ARHGEF28: variants seen among roughly 807,000 people sequenced by gnomAD.
The protein encoded by ARHGEF28 is 190 kDa guanine nucleotide exchange factor.
Under a neutral mutation model 206.6 loss-of-function variants are expected in ARHGEF28, and 152 were observed. The ratio of observed to expected loss-of-function variants is 0.74; its 90% CI spans 0.64 to 0.84. The LOEUF (loss-of-function observed/expected upper bound fraction) is 0.84, where lower values mean the gene tolerates loss of function less well. Ranked by LOEUF, ARHGEF28 falls within the 40% of genes least tolerant of loss-of-function variation. The probability of loss-of-function intolerance (pLI) is 0.00; values close to 1 mark genes in which losing one functional copy is unlikely to be tolerated. For synonymous variants in ARHGEF28, 763 were observed against 776.4 expected (o/e 0.98, Z 0.29); for missense variants, 2,028 against 2,073.2 (o/e 0.98, Z 0.42).
intron 22 of ARHGEF28, 108 bp from the exon 23 acceptor site, chr5:73,882,364 T>C (rs901686114): frequency 6.3e-6 from 5 of 791,266 alleles, no homozygotes; most frequent in Non-Finnish European, 9.0e-6. Flanking sequence ...CCATGATATT[T>C]ATTTTTTATT....
At chr5:73,913,107 C>G (rs1323174451) in intron 35 of ARHGEF28, among the ~76,000 whole-genome samples, 3 of 152,148 alleles carry the variant, frequency 2.0e-5, no homozygotes, top group South Asian at 2.1e-4. Flanking sequence ...TATACAAAAC[C>G]AGTCTATCCA....
chr5:73,732,627 G>A (rs529352187), intron 2 of ARHGEF28, among the ~76,000 whole-genome samples: 13 of 152,116 alleles, frequency 8.5e-5, no homozygotes, highest in Non-Finnish European at 1.6e-4. Flanking sequence ...TCTCTGTATA[G>A]CACTTATCTG....
intron 7 of ARHGEF28, among the ~76,000 whole-genome samples, chr5:73,789,084 A>G (rs1451875396): frequency 6.6e-6 from 1 of 152,098 alleles, no homozygotes; most frequent in Non-Finnish European, 1.5e-5. Flanking sequence ...TCATTGCAGC[A>G]TTATTAATAA....
chr5:73,686,375 C>G (rs188084250), intron 2 of ARHGEF28, among the ~76,000 whole-genome samples: 128 of 152,162 alleles, frequency 8.4e-4, no homozygotes, highest in African/African-American at 2.9e-3. Context: ...AGCTGACCGA[C>G]CTCCTCATGT....
At chr5:73,708,854 G>T (rs556159763) in intron 2 of ARHGEF28, among the ~76,000 whole-genome samples, 1 of 152,220 alleles carries the variant, frequency 6.6e-6, no homozygotes, top group South Asian at 2.1e-4. Flanking sequence ...CCTTTTCTCT[G>T]CAGTCTTACC....
chr5:73,792,881 A>T (rs949522051), intron 7 of ARHGEF28, among the ~76,000 whole-genome samples: 8 of 152,020 alleles, frequency 5.3e-5, no homozygotes, highest in African/African-American at 1.9e-4. Flanking sequence ...TGAAGGGTGA[A>T]ATTAGCCCAT....
chr5:73,856,539 A>G (rs1483479034), intron 14 of ARHGEF28, among the ~76,000 whole-genome samples: 1 of 152,130 alleles, frequency 6.6e-6, no homozygotes, highest in Non-Finnish European at 1.5e-5. Context: ...TAAATAACTT[A>G]AAGTTTTATT....
rs1761098623 is a variant in ARHGEF28, at chr5:73,883,779, A to G, written c.2950A>G (p.Asn984Asp). The change falls in exon 24 of 36, where the codon AAT (asparagine) becomes GAT (aspartate). Residue 984 changes from asparagine (N) to aspartate (D), a missense_variant. Coordinates refer to ENST00000513042, the MANE Select transcript of ARHGEF28 (RefSeq NM_001177693.2). ...TATATTTTTTAAGCTCCGAAATAGT[A>G]ATCTTTTGGCTCGACGCCGAGGAAT... Reference protein sequence around the residue: ...FQNFIKLRNSNLLARRRGIPE... With the variant: ...FQNFIKLRNSDLLARRRGIPE... 1.9e-6 allele frequency: 3 copies of G among 1,553,100 alleles called. No individual in the cohort carries two copies. Among genetic ancestry groups the G allele is most frequent in the African/African-American group, 1.4e-5 (1 of 73,180 alleles).
intron 2 of ARHGEF28, among the ~76,000 whole-genome samples, chr5:73,701,888 T>C (rs1259440372): frequency 1.3e-5 from 2 of 152,230 alleles, no homozygotes; most frequent in Admixed American, 1.3e-4. Flanking sequence ...CATTCCACTT[T>C]GTTTAACCAT....
rs1158498113 is a variant in ARHGEF28, at chr5:73,932,158, G to GAAACTACTAAAGTTTGT, written c.4949-8669_4949-8653dup. On this transcript the variant is annotated intron_variant, in intron 35 of 35. Transcript: ENST00000513042. ...CAAGTATTATGTTGGAAATAACAGA[G>GAAACTACTAAAGTTTGT]AAACTACTAAAGTTTGTAAACTACT... 2.6e-5 allele frequency among the ~76,000 whole-genome samples: 4 copies of GAAACTACTAAAGTTTGT among 152,140 alleles called. No homozygotes were observed. In the South Asian group the frequency reaches 6.2e-4, roughly 24 times the overall value.
intron 16 of ARHGEF28, among the ~76,000 whole-genome samples, chr5:73,858,953 G>T (rs1759218711): frequency 6.6e-6 from 1 of 152,084 alleles, no homozygotes; most frequent in Non-Finnish European, 1.5e-5. Context: ...TTTCGAACAT[G>T]GCAGTCATGC....
In ARHGEF28 at chr5:73,847,084, T is replaced by A. The variant is rs549663721; in HGVS notation, c.1635+609T>A. On this transcript the variant is annotated intron_variant, in intron 12 of 35. Transcript: ENST00000513042. ...AAAACTAAATACATTGCTCTGAATG[T>A]AAGAAAGCCCTTTTGCGTTTGAACA... 3.3e-5 allele frequency among the ~76,000 whole-genome samples: 5 copies of A among 152,302 alleles called. No homozygotes were observed. In the South Asian group the frequency reaches 1.0e-3, roughly 32 times the overall value.
chr5:73,799,241 G>C (rs1354979068), intron 9 of ARHGEF28, among the ~76,000 whole-genome samples: 1 of 152,206 alleles, frequency 6.6e-6, no homozygotes, highest in African/African-American at 2.4e-5. Context: ...TGGACAGCCT[G>C]TGGGAAATGG....
At chr5:73,708,459 A>G (rs1482314654) in intron 2 of ARHGEF28, among the ~76,000 whole-genome samples, 2 of 151,838 alleles carry the variant, frequency 1.3e-5, no homozygotes, top group Non-Finnish European at 2.9e-5. Flanking sequence ...GCAGTATTTC[A>G]TTTTCTGTTT....
At chr5:73,888,411 C>G (rs1449825937) in intron 26 of ARHGEF28, among the ~76,000 whole-genome samples, 1 of 152,160 alleles carries the variant, frequency 6.6e-6, no homozygotes, top group Non-Finnish European at 1.5e-5. Flanking sequence ...TTGGTTTGTC[C>G]AGCAGCTTCT....
intron 9 of ARHGEF28, among the ~76,000 whole-genome samples, chr5:73,816,325 A>G (rs1476938760): frequency 2.0e-5 from 3 of 152,176 alleles, no homozygotes; most frequent in South Asian, 4.1e-4. Flanking sequence ...ACAGGATATC[A>G]TAAGTATTTT....
At chr5:73,724,090 A>T (rs891756385) in intron 2 of ARHGEF28, among the ~76,000 whole-genome samples, 1 of 152,150 alleles carries the variant, frequency 6.6e-6, no homozygotes, top group Non-Finnish European at 1.5e-5. Flanking sequence ...TATTTCATCC[A>T]TGCACCTCTG....
intron 35 of ARHGEF28, among the ~76,000 whole-genome samples, chr5:73,937,702 G>T (rs1202747612): frequency 1.3e-5 from 2 of 152,132 alleles, no homozygotes. Context: ...ATGAAACTGG[G>T]TGATTACTTT....
At chr5:73,938,199 CAA>C (rs1491005007) in intron 35 of ARHGEF28, among the ~76,000 whole-genome samples, 18 of 150,592 alleles carry the variant, frequency 1.2e-4, no homozygotes, top group African/African-American at 4.4e-4. Context: ...CACACACACA[CAA>C]CTCCCCATCC....
Sources: gnomAD v4.1 joint callset for allele counts (sites outside exome capture counted in the v4.1 genomes callset) on GRCh38, gnomAD v4.1.1 for gene constraint, MANE v1.5 for transcripts, NCBI Gene and HGNC (gene_info 2026-07-23, HGNC 2026-07-21) for gene names.